The following SPOCK3 variants were observed in gnomAD, a reference collection of about 807,000 sequenced individuals.
The protein encoded by SPOCK3 is SPARC (osteonectin), cwcv and kazal like domains proteoglycan 3, also known as testican-3.
Under a neutral mutation model 56.6 loss-of-function variants are expected in SPOCK3, and 30 were observed. The observed-to-expected ratio is 0.53, with a 90% CI of 0.40 to 0.72. The LOEUF is 0.72. Ranked by LOEUF, SPOCK3 falls within the 30% of genes least tolerant of loss-of-function variation. The pLI is 0.00. For missense variants in SPOCK3, 527 were observed against 530.0 expected (o/e 0.99, Z 0.06); for synonymous variants, 196 against 183.3 (o/e 1.07, Z -0.56).
chr4:166,836,238 G>C (rs1300841396), intron 6 of SPOCK3, among the ~76,000 whole-genome samples: 1 of 152,104 alleles, frequency 6.6e-6, no homozygotes, highest in Non-Finnish European at 1.5e-5. Flanking sequence ...AGTCTTTTGA[G>C]TTATTTTCTG....
At chr4:167,037,783 A>G (rs1007218559) in intron 3 of SPOCK3, among the ~76,000 whole-genome samples, 3 of 152,250 alleles carry the variant, frequency 2.0e-5, no homozygotes, top group African/African-American at 7.2e-5. Context: ...TCTGGTTCAT[A>G]CCAAATATAT....
intron 2 of SPOCK3, among the ~76,000 whole-genome samples, chr4:167,123,078 G>A (rs1020268092): frequency 6.6e-6 from 1 of 151,426 alleles, no homozygotes; most frequent in African/African-American, 2.4e-5. Flanking sequence ...AACAAGCAGA[G>A]GACAGAATAA....
At chr4:166,964,536 T>C (rs2150062760) in intron 4 of SPOCK3, among the ~76,000 whole-genome samples, 1 of 151,930 alleles carries the variant, frequency 6.6e-6, no homozygotes, top group East Asian at 1.9e-4. Context: ...ATCACATATT[T>C]GTATTCTATT....
chr4:166,925,580 A>G (rs1362749127), intron 4 of SPOCK3, among the ~76,000 whole-genome samples: 1 of 152,154 alleles, frequency 6.6e-6, no homozygotes, highest in Non-Finnish European at 1.5e-5. Context: ...TCTAAAATAC[A>G]TCTTATTTTA....
intron 3 of SPOCK3, among the ~76,000 whole-genome samples, chr4:167,041,636 A>G (rs1368306652): frequency 5.9e-5 from 9 of 152,188 alleles, no homozygotes; most frequent in Non-Finnish European, 1.2e-4. Context: ...TGCTCTAACA[A>G]GGGGCAAAAT....
intron 5 of SPOCK3, among the ~76,000 whole-genome samples, chr4:166,894,690 C>A (rs561600503): frequency 6.6e-6 from 1 of 152,146 alleles, no homozygotes; most frequent in East Asian, 1.9e-4. Flanking sequence ...CAGTTGGTAA[C>A]CAGATTAACT....
intron 4 of SPOCK3, chr4:166,918,370 T>C (rs1014591577): frequency 1.3e-5 from 2 of 152,104 alleles, no homozygotes; most frequent in Non-Finnish European, 2.9e-5. Flanking sequence ...ATATACTCTA[T>C]GAATGCAAAA....
chr4:167,164,033 A>G (rs762063531), intron 2 of SPOCK3, among the ~76,000 whole-genome samples: 7 of 152,126 alleles, frequency 4.6e-5, no homozygotes, highest in Non-Finnish European at 8.8e-5. Flanking sequence ...TAAAAAATAC[A>G]ATCCTAGGAT....
At chr4:166,953,115 A>G (rs1238747726) in intron 4 of SPOCK3, among the ~76,000 whole-genome samples, 2 of 151,810 alleles carry the variant, frequency 1.3e-5, no homozygotes, top group Non-Finnish European at 2.9e-5. Context: ...GCTTCTGCAC[A>G]GCAAAAGAAA....
intron 2 of SPOCK3, among the ~76,000 whole-genome samples, chr4:167,098,877 T>G (rs1759392673): frequency 6.6e-6 from 1 of 151,788 alleles, no homozygotes; most frequent in African/African-American, 2.4e-5. Flanking sequence ...AAACTATGCC[T>G]TTTTTTTCAA....
At chr4:167,027,421 G>T (rs903585374) in intron 3 of SPOCK3, among the ~76,000 whole-genome samples, 4 of 151,830 alleles carry the variant, frequency 2.6e-5, no homozygotes, top group Admixed American at 2.6e-4. Flanking sequence ...AATGTCCCTT[G>T]TCTTGCATTT....
At chr4:167,168,382 G>C (rs190571792) in intron 2 of SPOCK3, among the ~76,000 whole-genome samples, 8 of 152,272 alleles carry the variant, frequency 5.3e-5, no homozygotes, top group South Asian at 2.1e-4. Context: ...GGAAGATGTG[G>C]CAAAGTTTGG....
intron 4 of SPOCK3, among the ~76,000 whole-genome samples, chr4:166,973,266 T>TC (rs1403100922): frequency 1.3e-5 from 2 of 152,168 alleles, no homozygotes; most frequent in African/African-American, 4.8e-5. Context: ...TTCTGAGGCC[T>TC]CCCCAGCCAT....
At chr4:166,797,530 T>G (rs1235831912) in intron 6 of SPOCK3, among the ~76,000 whole-genome samples, 1 of 152,062 alleles carries the variant, frequency 6.6e-6, no homozygotes, top group African/African-American at 2.4e-5. Context: ...TCTTCCATAA[T>G]GATGGTTTCC....
At chr4:166,835,174 T>G (rs1746485562) in intron 6 of SPOCK3, among the ~76,000 whole-genome samples, 1 of 152,128 alleles carries the variant, frequency 6.6e-6, no homozygotes, top group Non-Finnish European at 1.5e-5. Context: ...GTTTCTGAAC[T>G]AATTGGCTAT....
intron 6 of SPOCK3, among the ~76,000 whole-genome samples, chr4:166,846,372 ATAT>A (rs1305306505): frequency 1.3e-5 from 2 of 152,160 alleles, no homozygotes; most frequent in Non-Finnish European, 2.9e-5. Flanking sequence ...AATGTAAGTA[ATAT>A]TATCATATAT....
intron 2 of SPOCK3, among the ~76,000 whole-genome samples, chr4:167,181,485 T>G (rs1452716918): frequency 1.3e-5 from 2 of 152,224 alleles, no homozygotes; most frequent in Admixed American, 1.3e-4. Context: ...TTTAAAACCT[T>G]CCAATAACTC....
intron 2 of SPOCK3, among the ~76,000 whole-genome samples, chr4:167,125,233 A>T (rs372861523): frequency 9.6e-4 from 122 of 127,172 alleles, no homozygotes; most frequent in South Asian, 4.0e-3. Context: ...ATTTATTTTT[A>T]TTTATTTTTA....
intron 7 of SPOCK3, among the ~76,000 whole-genome samples, chr4:166,770,393 A>G (rs1316344150): frequency 1.3e-5 from 2 of 152,164 alleles, no homozygotes; most frequent in African/African-American, 4.8e-5. Context: ...ATAATCCAGG[A>G]TAATCTCCTT....
Sources: gnomAD v4.1 joint callset for allele counts (sites outside exome capture counted in the v4.1 genomes callset) on GRCh38, gnomAD v4.1.1 for gene constraint, MANE v1.5 for transcripts, NCBI Gene and HGNC (gene_info 2026-07-23, HGNC 2026-07-21) for gene names.